The following B3GLCT variants were observed in gnomAD, a reference collection of about 807,000 sequenced individuals.
B3GLCT encodes beta 3-glucosyltransferase, also known as beta-1,3-glucosyltransferase.
A neutral mutation model predicts 63.4 loss-of-function variants in B3GLCT; 65 were observed. That is an observed-to-expected ratio of 1.03 (90% CI 0.84 to 1.26). B3GLCT has a LOEUF of 1.26. Ranked by LOEUF, B3GLCT falls within the 50% of genes most tolerant of loss-of-function variation. B3GLCT has a pLI of 0.00. For synonymous variants in B3GLCT, 233 were observed against 219.2 expected (o/e 1.06, Z -0.55); for missense variants, 577 against 604.8 (o/e 0.95, Z 0.48).
chr13:31,201,276 T>C (rs922260253), intron 1 of B3GLCT, among the ~76,000 whole-genome samples: 2 of 152,190 alleles, frequency 1.3e-5, no homozygotes, highest in Admixed American at 6.5e-5. Context: ...GTATTTAAGC[T>C]CTCTGAATAA....
chr13:31,216,155 A>G (rs1869551148), intron 2 of B3GLCT, among the ~76,000 whole-genome samples: 1 of 152,212 alleles, frequency 6.6e-6, no homozygotes, highest in South Asian at 2.1e-4. Context: ...TTCTTTATCA[A>G]CAGGGTGTTT....
intron 13 of B3GLCT, among the ~76,000 whole-genome samples, chr13:31,318,009 A>G (rs961821407): frequency 1.3e-5 from 2 of 151,992 alleles, no homozygotes; most frequent in African/African-American, 2.4e-5. Flanking sequence ...TTTTAATCTC[A>G]GAGAATAAGC....
chr13:31,202,257 T>C (rs1868711718), intron 1 of B3GLCT, among the ~76,000 whole-genome samples: 2 of 152,244 alleles, frequency 1.3e-5, no homozygotes, highest in East Asian at 1.9e-4. Flanking sequence ...AAATTTCTTT[T>C]AAACCCACAT....
intron 12 of B3GLCT, chr13:31,311,355 C>T (rs1874696898): frequency 6.6e-6 from 1 of 152,288 alleles, no homozygotes; most frequent in Non-Finnish European, 1.5e-5. Context: ...AGAATGTAAA[C>T]ACAGCAAGGA....
intron 4 of B3GLCT, among the ~76,000 whole-genome samples, chr13:31,233,539 T>A (rs571711171): frequency 1.3e-5 from 2 of 152,256 alleles, no homozygotes; most frequent in East Asian, 3.9e-4. Flanking sequence ...TTGGATGAAG[T>A]GTCTTGTCCT....
At chr13:31,317,207 A>G (rs1346489242) in intron 12 of B3GLCT, among the ~76,000 whole-genome samples, 1 of 152,104 alleles carries the variant, frequency 6.6e-6, no homozygotes, top group Admixed American at 6.5e-5. Flanking sequence ...TCACTTGAAA[A>G]CAGGACTGGT....
Position 31,284,699 on chromosome 13 carries a change from A to T in B3GLCT, c.902A>T (p.Tyr301Phe), listed in dbSNP as rs114184584. 1,015 of 1,611,918 alleles carry T rather than the reference A, an allele frequency of 6.3e-4. 19 individuals carry two copies. The East Asian group carries it at 0.02, about 32-fold the overall frequency. The change falls in exon 11 of 15, where the codon TAT (tyrosine) becomes TTT (phenylalanine). Residue 301 changes from tyrosine (Y) to phenylalanine (F), a missense_variant. Physicochemically the swap from Tyr to Phe is conservative, Grantham distance 22. Transcript: ENST00000343307. ...AGCCAGGCAAGTCTCATTGAATACT[A>T]TAGTGACTATACTGAAAATTCCATT... ...WESQASLIEY[Y>F]SDYTENSIPT...
chr13:31,222,266 G>A (rs2009236), intron 2 of B3GLCT, among the ~76,000 whole-genome samples: 150,645 of 151,996 alleles, frequency 0.99, 74,662 homozygotes, highest in East Asian at 1. Flanking sequence ...TTTAGTAGCG[G>A]TGGGGTTTTC....
Position 31,331,008 on chromosome 13 carries a change from G to A in B3GLCT, c.*1340G>A, listed in dbSNP as rs2137961182. ...TAGTATTTACCATTTTTCCAAATTA[G>A]CAACTACCAGACCTCACGTGTTGCA... On this transcript the variant is annotated 3_prime_UTR_variant, in exon 15 of 15. Coordinates refer to ENST00000343307, the MANE Select transcript of B3GLCT (RefSeq NM_194318.4). 1 of 152,214 alleles carries A rather than the reference G, an allele frequency of 6.6e-6. No homozygotes were observed. Among genetic ancestry groups the A allele is most frequent in the Admixed American group, 6.5e-5 (1 of 15,282 alleles). The allele number at this position is 152,214 out of a possible 1,614,324, so 9.4% of individuals were successfully genotyped here.
At chr13:31,229,843 A>ATC (rs1008241335) in intron 4 of B3GLCT, among the ~76,000 whole-genome samples, 1 of 149,960 alleles carries the variant, frequency 6.7e-6, no homozygotes, top group African/African-American at 2.4e-5. Context: ...ATATATATAT[A>ATC]AAAATATATA....
rs1380360416 is a variant in B3GLCT at position 31,200,137 on chromosome 13, T to A, written c.53T>A (p.Leu18His). ...WLLAPPALLA[L>H]LTCSLAFGLA... ...CTCGCGCCGCCGGCGCTGCTCGCGC[T>A]CCTCACCTGCTCCCTGGGTAAGTAG... Residue 18 changes from leucine (L) to histidine (H), a missense_variant, in exon 1 of 15, where the codon CTC becomes CAC. By Grantham distance (99) the Leu-to-His change is moderately conservative (BLOSUM62 -3). Coordinates refer to ENST00000343307, the MANE Select transcript of B3GLCT (RefSeq NM_194318.4). 3 of 1,366,880 alleles carry A rather than the reference T, an allele frequency of 2.2e-6. No individual in the cohort carries two copies. The African/African-American group carries it at 4.6e-5, about 21-fold the overall frequency. 84.7% of individuals were successfully genotyped at this position (1,366,880 alleles called of 1,614,324 possible). A position where few individuals can be genotyped will look rare whatever the true frequency, so the allele number is the denominator to read the frequency against.
rs946900467 is a variant in B3GLCT at position 31,297,763 on chromosome 13, G to T, written c.1064+10944G>T. Among the ~76,000 whole-genome samples the T allele has an allele frequency of 2.6e-5, 4 of 152,162 alleles. No homozygotes were observed. In the East Asian group the frequency reaches 7.7e-4, roughly 29 times the overall value. On this transcript the variant is annotated intron_variant, in intron 12 of 14. Coordinates refer to ENST00000343307, the MANE Select transcript of B3GLCT (RefSeq NM_194318.4). ...TCTGACTGATGAGCTTCACGTCGGG[G>T]TTCTTACAACCTCCTCTGTGGGTTT...
At chr13:31,207,327 G>C (rs1869013251) in intron 1 of B3GLCT, among the ~76,000 whole-genome samples, 1 of 149,700 alleles carries the variant, frequency 6.7e-6, no homozygotes, top group Non-Finnish European at 1.5e-5. Flanking sequence ...GTTCCTCTTT[G>C]ATGTGTTCTG....
In B3GLCT at chr13:31,324,005, G is replaced by A. The variant is rs147840576; in HGVS notation, c.1329+110G>A. ...ATATTCGGGAAACAGACTAAGAACTGTGTTGACAGGCTCCAGGGGAATGTC... is the reference window on the plus strand; with the variant it reads ...ATATTCGGGAAACAGACTAAGAACTATGTTGACAGGCTCCAGGGGAATGTC... On this transcript the variant is annotated intron_variant, in intron 14 of 14. Coordinates refer to ENST00000343307, the MANE Select transcript of B3GLCT (RefSeq NM_194318.4). The A allele has an allele frequency of 1.7e-4, 230 of 1,340,284 alleles. No individual in the cohort carries two copies. In the African/African-American group the frequency reaches 2.7e-3, roughly 16 times the overall value. 83.0% of individuals were successfully genotyped at this position (1,340,284 alleles called of 1,614,324 possible).
chr13:31,207,764 G>A (rs1019400959), intron 1 of B3GLCT, among the ~76,000 whole-genome samples: 1 of 152,166 alleles, frequency 6.6e-6, no homozygotes, highest in Non-Finnish European at 1.5e-5. Context: ...CAGGAATATT[G>A]TGTCTGCATG....
intron 1 of B3GLCT, among the ~76,000 whole-genome samples, chr13:31,205,290 C>G (rs1043187516): frequency 6.7e-6 from 1 of 148,756 alleles, no homozygotes; most frequent in Non-Finnish European, 1.5e-5. Context: ...GGCATGGTGG[C>G]TCACACCTGT....
At chr13:31,310,100 C>T (rs767921804) in intron 12 of B3GLCT, among the ~76,000 whole-genome samples, 8 of 152,154 alleles carry the variant, frequency 5.3e-5, no homozygotes, top group Admixed American at 2.0e-4. Flanking sequence ...GGAGTGAGAA[C>T]TTCCTCGATG....
intron 6 of B3GLCT, among the ~76,000 whole-genome samples, chr13:31,253,238 T>C (rs1032164398): frequency 2.6e-5 from 4 of 152,052 alleles, no homozygotes; most frequent in Admixed American, 2.0e-4. Flanking sequence ...TCTATAGCAC[T>C]AAATGCCCAC....
At position 31,234,103 on chromosome 13, in the gene B3GLCT, C is replaced by T. The variant is rs191869850; in HGVS notation, c.270+4809C>T. ...CGTCATCTCAGCTCACTGCAAGCTC[C>T]GCCTCCCGGGTTCATGCCATTCTCC... On this transcript the variant is annotated intron_variant, in intron 4 of 14. Transcript: ENST00000343307. Among the ~76,000 whole-genome samples, 72 of 151,978 alleles carry T rather than the reference C, an allele frequency of 4.7e-4. No homozygotes were observed. The East Asian group carries it at 0.014, about 29-fold the overall frequency.
Sources: allele counts gnomAD v4.1 joint callset (sites outside exome capture counted in the v4.1 genomes callset), GRCh38; gene constraint gnomAD v4.1.1; transcripts MANE v1.5; gene names NCBI Gene and HGNC (gene_info 2026-07-23, HGNC 2026-07-21).